Variants in HK1 observed in about 807,000 individuals in gnomAD.
HK1 encodes the protein hexokinase-1.
HK1 carries 28 observed loss-of-function variants against 91.6 expected under a neutral mutation model. That is an observed-to-expected ratio of 0.31 (90% CI 0.23 to 0.42). The LOEUF is 0.42. Among genes scored for constraint, HK1 ranks in the 10% least tolerant of loss-of-function variants. The pLI is 1.00. For synonymous variants in HK1, 430 were observed against 468.1 expected (o/e 0.92, Z 1.05); for missense variants, 770 against 1,219.8 (o/e 0.63, Z 5.49).
chr10:69,296,052 T>G (rs1359038446), intron 4 of HK1, among the ~76,000 whole-genome samples: 1 of 152,148 alleles, frequency 6.6e-6, no homozygotes, highest in African/African-American at 2.4e-5. Context: ...CATTTTACAG[T>G]CAGGCATGCC....
upstream of HK1, among the ~76,000 whole-genome samples, chr10:69,311,725 C>A (rs1846387696): frequency 6.6e-6 from 1 of 152,082 alleles, no homozygotes; most frequent in African/African-American, 2.4e-5. Flanking sequence ...CAACCTCCAC[C>A]TCCTGGGTTC....
chr10:69,363,028 A>T (rs1478833689), intron 3 of HK1, among the ~76,000 whole-genome samples: 1 of 152,212 alleles, frequency 6.6e-6, no homozygotes, highest in East Asian at 1.9e-4. Flanking sequence ...GAACAGCAGT[A>T]ATGACTTCTG....
chr10:69,281,461 T>G (rs1458382226), intron 1 of HK1, among the ~76,000 whole-genome samples: 3 of 152,226 alleles, frequency 2.0e-5, no homozygotes, highest in Non-Finnish European at 4.4e-5. Flanking sequence ...TTATCGAGGC[T>G]TACCTGATCC....
At chr10:69,283,377 G>A (rs948657844) in intron 2 of HK1, among the ~76,000 whole-genome samples, 7 of 148,006 alleles carry the variant, frequency 4.7e-5, no homozygotes, top group African/African-American at 7.5e-5. Context: ...TCACTTGGGC[G>A]CAGGAGGTCA....
chr10:69,354,767 G>C (rs574363900), intron 2 of HK1, among the ~76,000 whole-genome samples: 17 of 152,268 alleles, frequency 1.1e-4, no homozygotes, highest in African/African-American at 4.1e-4. Context: ...CAAGGAACTT[G>C]AGAACGAAGA....
At chr10:69,290,957 G>A (rs542271405) in intron 3 of HK1, among the ~76,000 whole-genome samples, 1 of 152,312 alleles carries the variant, frequency 6.6e-6, no homozygotes, top group African/African-American at 2.4e-5. Flanking sequence ...CCTCTTAGCC[G>A]TTGGGTCTCT....
At chr10:69,356,637 C>A (rs1849145074) in intron 2 of HK1, among the ~76,000 whole-genome samples, 1 of 152,102 alleles carries the variant, frequency 6.6e-6, no homozygotes, top group African/African-American at 2.4e-5. Context: ...GTGATCCCAA[C>A]ACTTTGGGAG....
intron 2 of HK1, among the ~76,000 whole-genome samples, chr10:69,350,320 A>C (rs952727770): frequency 6.6e-6 from 1 of 152,178 alleles, no homozygotes; most frequent in African/African-American, 2.4e-5. Flanking sequence ...TTATCTAAAG[A>C]GATGCTGGAC....
At chr10:69,308,558 G>A (rs1433487329) in intron 5 of HK1, among the ~76,000 whole-genome samples, 2 of 152,114 alleles carry the variant, frequency 1.3e-5, no homozygotes, top group African/African-American at 4.8e-5. Context: ...TCCATACAAT[G>A]CCTGGACTCT....
intron 2 of HK1, among the ~76,000 whole-genome samples, chr10:69,287,434 C>A (rs1845081954): frequency 6.6e-6 from 1 of 152,172 alleles, no homozygotes; most frequent in Admixed American, 6.5e-5. Context: ...GATTATAATT[C>A]AAAATGAGAT....
intron 1 of HK1, among the ~76,000 whole-genome samples, chr10:69,331,720 A>G (rs1053749493): frequency 1.3e-5 from 2 of 151,580 alleles, no homozygotes; most frequent in African/African-American, 4.9e-5. Context: ...GCAAATAATT[A>G]AAAACGTCAG....
intron 2 of HK1, among the ~76,000 whole-genome samples, chr10:69,355,615 C>T (rs1849087785): frequency 6.6e-6 from 1 of 151,938 alleles, no homozygotes; most frequent in South Asian, 2.1e-4. Flanking sequence ...CATGGTGAAA[C>T]CCCGTCTCTA....
chr10:69,357,024 A>G (rs888475524), intron 2 of HK1, among the ~76,000 whole-genome samples: 4 of 152,246 alleles, frequency 2.6e-5, no homozygotes, highest in African/African-American at 9.6e-5. Flanking sequence ...ATGCAAATTG[A>G]TAAAGAAGTC....
chr10:69,335,209 G>A (rs1847917892), intron 1 of HK1, among the ~76,000 whole-genome samples: 1 of 152,220 alleles, frequency 6.6e-6, no homozygotes, highest in Admixed American at 6.5e-5. Flanking sequence ...GAAGCCATGT[G>A]CAGTCAGGAA....
chr10:69,292,499 T>C, intron 3 of HK1: 1 of 271,654 alleles, frequency 3.7e-6, no homozygotes, highest in Non-Finnish European at 7.4e-6. Flanking sequence ...TGGGCTGCTA[T>C]GCAAGCTTCC....
chr10:69,377,335 A>G (rs1416698005), intron 8 of HK1, among the ~76,000 whole-genome samples: 1 of 152,112 alleles, frequency 6.6e-6, no homozygotes, highest in African/African-American at 2.4e-5. Context: ...GTCTAGCTAC[A>G]AGAGCAGCCT....
At chr10:69,370,008 G>A (rs1472863394) in intron 7 of HK1, among the ~76,000 whole-genome samples, 1 of 152,178 alleles carries the variant, frequency 6.6e-6, no homozygotes, top group Admixed American at 6.5e-5. Context: ...AAAATGCTGG[G>A]GTTACAGGCA....
intron 14 of HK1, among the ~76,000 whole-genome samples, chr10:69,391,826 A>C (rs1839909664): frequency 6.6e-6 from 1 of 152,168 alleles, no homozygotes; most frequent in Non-Finnish European, 1.5e-5. Flanking sequence ...TTGATGCTCC[A>C]TCTCTTTGCT....
At chr10:69,360,150 G>A (rs1849344270) in intron 3 of HK1, 105 bp downstream of exon 3, 2 of 1,166,386 alleles carry the variant, frequency 1.7e-6, no homozygotes, top group Non-Finnish European at 2.5e-6. Context: ...CTGGAAGAGG[G>A]TTGCTGGAAA....
Sources: gnomAD v4.1 joint callset for allele counts (sites outside exome capture counted in the v4.1 genomes callset) on GRCh38, gnomAD v4.1.1 for gene constraint, MANE v1.5 for transcripts, NCBI Gene and HGNC (gene_info 2026-07-23, HGNC 2026-07-21) for gene names.